Variants in PCDHGA2 observed in about 807,000 individuals in gnomAD.
PCDHGA2 encodes the protein protocadherin gamma-A2.
PCDHGA2 carries 40 observed loss-of-function variants against 59.2 expected under a neutral mutation model. The ratio of observed to expected loss-of-function variants is 0.68; its 90% CI spans 0.52 to 0.88. The LOEUF (loss-of-function observed/expected upper bound fraction) is 0.88, where lower values mean the gene tolerates loss of function less well. Among genes scored for constraint, PCDHGA2 ranks in the 40% least tolerant of loss-of-function variants. The pLI is 0.00. For missense variants in PCDHGA2, 1,226 were observed against 1,204.0 expected, an observed-to-expected ratio of 1.02 and a Z score of -0.27; for synonymous variants, 560 against 526.0, an observed-to-expected ratio of 1.06 and a Z score of -0.89.
chr5:141,399,639 C>A lies in PCDHGA2; in HGVS notation c.2424+58244C>A, dbSNP rs1405309490. On this transcript the variant is annotated intron_variant, in intron 1 of 3. Transcript: ENST00000394576. ...CACTGGCCTCTTACGTGTCCATGAG[C>A]GCGCAAAGTGGGGTGGTGTTCGCGC... 5 of 1,613,858 alleles carry A rather than the reference C, an allele frequency of 3.1e-6. No individual in the cohort carries two copies. The highest frequency in any genetic ancestry group is 3.4e-6 in the Non-Finnish European group (4 of 1,179,886).
intron 1 of PCDHGA2, chr5:141,343,904 C>T (rs188727434): frequency 3.6e-5 from 31 of 851,414 alleles, no homozygotes; most frequent in African/African-American, 2.9e-4. Flanking sequence ...CCAACCTCAC[C>T]TCTTAGTCAA....
intron 1 of PCDHGA2, among the ~76,000 whole-genome samples, chr5:141,461,804 C>A (rs559757409): frequency 1.4e-3 from 212 of 152,036 alleles, no homozygotes; most frequent in African/African-American, 5.0e-3. Context: ...CAGGTGCCCA[C>A]CACCACACCC....
At chr5:141,394,592 G>T (rs754585576) in intron 1 of PCDHGA2, 1 of 1,613,760 alleles carries the variant, frequency 6.2e-7, no homozygotes, top group Non-Finnish European at 8.5e-7. Flanking sequence ...AGGTGGTGGC[G>T]GTGGACAGAG....
intron 1 of PCDHGA2, chr5:141,372,835 C>T (rs894902171): frequency 1.3e-6 from 2 of 1,535,142 alleles, no homozygotes; most frequent in Non-Finnish European, 1.8e-6. Context: ...CCTTTCCTTC[C>T]ATAAATATAA....
intron 1 of PCDHGA2, chr5:141,343,458 G>T: frequency 1.2e-6 from 1 of 805,678 alleles, no homozygotes; most frequent in Non-Finnish European, 1.5e-6. Flanking sequence ...TCAAGGTTCA[G>T]TGGTGGAAGA....
intron 1 of PCDHGA2, among the ~76,000 whole-genome samples, chr5:141,387,384 A>G (rs897106394): frequency 6.6e-6 from 1 of 152,208 alleles, no homozygotes; most frequent in Non-Finnish European, 1.5e-5. Flanking sequence ...CTTTATATAG[A>G]TAGTGCATGT....
chr5:141,431,227 C>G lies in PCDHGA2; in HGVS notation c.2425-63580C>G. ...CTGAGATGCGGTTCCCTCTACCCCA[C>G]GCCTGGGATCCGGATATCGGGAAGA... On this transcript the variant is annotated intron_variant, in intron 1 of 3. Coordinates refer to ENST00000394576, the MANE Select transcript of PCDHGA2 (RefSeq NM_018915.4). This position sits in a 1 kb window ranked among gnomAD's most constrained non-coding sequence, Gnocchi z 4.8. 6.2e-7 allele frequency: 1 copy of G among 1,614,180 alleles called. No individual in the cohort carries two copies. Among genetic ancestry groups the G allele is most frequent in the Non-Finnish European group, 8.5e-7 (1 of 1,180,042 alleles).
Position 141,485,291 on chromosome 5 carries a change from CAGGA to C in PCDHGA2, c.2425-9512_2425-9509del. ...CCGCTACCCGGTCCCAGAGGAGTCA[CAGGA>C]AGGGACTTTTGTAGGGAATGTCGCT... On this transcript the variant is annotated intron_variant, in intron 1 of 3. Transcript: ENST00000394576. The surrounding 1 kb of genome is among the most constrained non-coding windows in gnomAD (Gnocchi z 5.7). 1 of 1,614,152 alleles carries C rather than the reference CAGGA, an allele frequency of 6.2e-7. No individual in the cohort carries two copies. Among genetic ancestry groups the C allele is most frequent in the Non-Finnish European group, 8.5e-7 (1 of 1,179,992 alleles).
intron 1 of PCDHGA2, among the ~76,000 whole-genome samples, chr5:141,492,574 G>T (rs2099742096): frequency 6.6e-6 from 1 of 152,232 alleles, no homozygotes; most frequent in Non-Finnish European, 1.5e-5. Flanking sequence ...TGAGCGAGGC[G>T]CGGGGCCAGG....
intron 1 of PCDHGA2, chr5:141,398,846 C>T (rs1589346275): frequency 3.7e-6 from 6 of 1,613,850 alleles, no homozygotes; most frequent in South Asian, 3.3e-5. Flanking sequence ...GATAATCCCC[C>T]GGTATTCAAC....
chr5:141,409,850 G>A lies in PCDHGA2; in HGVS notation c.2424+68455G>A. ...GCTCAGCGCCAACGTGAGCCTGCGC[G>A]TGTTGGTGGGAGACCGCAATGACAA... On this transcript the variant is annotated intron_variant, in intron 1 of 3. Transcript: ENST00000394576. 6.2e-7 allele frequency: 1 copy of A among 1,612,142 alleles called. No individual in the cohort carries two copies. Among genetic ancestry groups the A allele is most frequent in the African/African-American group, 1.3e-5 (1 of 75,014 alleles).
At chr5:141,394,684 G>C in intron 1 of PCDHGA2, 1 of 1,612,090 alleles carries the variant, frequency 6.2e-7, no homozygotes, top group South Asian at 1.1e-5. Flanking sequence ...CTGCACACGG[G>C]CGAGGTGCGC....
chr5:141,444,470 C>T (rs1275997551), intron 1 of PCDHGA2, among the ~76,000 whole-genome samples: 2 of 152,058 alleles, frequency 1.3e-5, no homozygotes, highest in African/African-American at 2.4e-5. Flanking sequence ...TGCGCCCGGT[C>T]GCGTACTGGA....
At chr5:141,494,161 T>G (rs1420295862) in intron 1 of PCDHGA2, among the ~76,000 whole-genome samples, 3 of 152,052 alleles carry the variant, frequency 2.0e-5, no homozygotes, top group African/African-American at 7.3e-5. Flanking sequence ...TGGCACGGAG[T>G]TCTAGGGGTG....
chr5:141,485,441 A>T lies in PCDHGA2; in HGVS notation c.2425-9366A>T. On this transcript the variant is annotated intron_variant, in intron 1 of 3. Coordinates refer to ENST00000394576, the MANE Select transcript of PCDHGA2 (RefSeq NM_018915.4). The surrounding 1 kb of genome is among the most constrained non-coding windows in gnomAD (Gnocchi z 5.7). ...CGGAGCCCTGCTCATCAAGAACCCA[A>T]TCGACCGAGAGGCACTGTGTGGGCT... is the stretch of plus-strand genomic sequence containing the variant. The T allele has an allele frequency of 6.2e-7, 1 of 1,613,910 alleles. No homozygotes were observed. The highest frequency in any genetic ancestry group is 1.1e-5 in the South Asian group (1 of 91,062).
chr5:141,475,679 T>A (rs967189869), intron 1 of PCDHGA2, among the ~76,000 whole-genome samples: 2 of 152,236 alleles, frequency 1.3e-5, no homozygotes, highest in African/African-American at 4.8e-5. Flanking sequence ...GAGTCTTGAT[T>A]TGGATTGGAG....
Position 141,491,758 on chromosome 5 carries a change from C to A in PCDHGA2, c.2425-3049C>A. The stretch of plus-strand genomic sequence containing the variant: ...TGGGGGCGGCACTGGAGAAGCCGCC[C>A]GTCCTCATAAGGGATTGAACTTGCA... On this transcript the variant is annotated intron_variant, in intron 1 of 3. Coordinates refer to ENST00000394576, the MANE Select transcript of PCDHGA2 (RefSeq NM_018915.4). This position sits in a 1 kb window ranked among gnomAD's most constrained non-coding sequence, Gnocchi z 6.9. 6.3e-7 allele frequency: 1 copy of A among 1,578,788 alleles called. No homozygotes were observed. Among genetic ancestry groups the A allele is most frequent in the Non-Finnish European group, 8.6e-7 (1 of 1,163,522 alleles).
intron 1 of PCDHGA2, chr5:141,346,513 T>C (rs1757765214): frequency 6.2e-7 from 1 of 1,604,798 alleles, no homozygotes; most frequent in African/African-American, 1.3e-5. Flanking sequence ...GTGGTTATTA[T>C]AAAGCTTTAA....
Position 141,394,457 on chromosome 5 carries a change from G to A in PCDHGA2, c.2424+53062G>A, listed in dbSNP as rs375756271. 4 of 1,614,096 alleles carry A rather than the reference G, an allele frequency of 2.5e-6. No homozygotes were observed. The African/African-American group carries it at 4.0e-5, about 16-fold the overall frequency. On this transcript the variant is annotated intron_variant, in intron 1 of 3. Transcript: ENST00000394576. Reference sequence around the variant, plus strand: ...CGCCCCTCAGCAGCAACATGTCACTGAGCCTGTTCGTGCTGGACCAGAATG... The same window carrying A: ...CGCCCCTCAGCAGCAACATGTCACTAAGCCTGTTCGTGCTGGACCAGAATG...
Sources: gnomAD v4.1 joint callset for allele counts (sites outside exome capture counted in the v4.1 genomes callset) on GRCh38, gnomAD v4.1.1 for gene constraint, Gnocchi (gnomAD v3.1) non-coding constraint, MANE v1.5 for transcripts, NCBI Gene and HGNC (gene_info 2026-07-23, HGNC 2026-07-21) for gene names.